Variants in CHN2 observed in about 807,000 individuals in gnomAD.
CHN2 encodes the protein beta-chimaerin.
A neutral mutation model predicts 56.3 loss-of-function variants in CHN2; 35 were observed. That is an observed-to-expected ratio of 0.62 (90% CI 0.47 to 0.82). The LOEUF is 0.82. CHN2 is among the 40% of genes least tolerant of loss of function. CHN2 has a pLI of 0.00. For missense variants in CHN2, 491 were observed against 580.5 expected (o/e 0.85, Z 1.58); for synonymous variants, 210 against 212.8 (o/e 0.99, Z 0.12).
chr7:29,509,785 C>G (rs1791068068), intron 12 of CHN2: 1 of 157,022 alleles, frequency 6.4e-6, no homozygotes, highest in African/African-American at 2.5e-5. Flanking sequence ...GCAGAGCTGG[C>G]AGTGAGCCGA....
Position 29,166,714 on chromosome 7 carries a change from C to T in CHN2, c.274+19754C>T, listed in dbSNP as rs997808932. On this transcript the variant is annotated intron_variant, in intron 2 of 6. Transcript: ENST00000439384. ...ACAACTGTATTGGTATCCTCTCTCT[C>T]ATTTCTATAATTAATAATTTGTATC... is the stretch of plus-strand genomic sequence containing the variant. Among the ~76,000 whole-genome samples the T allele has an allele frequency of 5.9e-5, 9 of 152,146 alleles. No individual in the cohort carries two copies. The South Asian group carries it at 1.9e-3, about 32-fold the overall frequency.
chr7:29,401,702 A>G (rs1802217137), intron 6 of CHN2, among the ~76,000 whole-genome samples: 1 of 152,168 alleles, frequency 6.6e-6, no homozygotes, highest in African/African-American at 2.4e-5. Flanking sequence ...CAAAGTTATT[A>G]TGCCTCACCA....
intron 1 of CHN2, among the ~76,000 whole-genome samples, chr7:29,235,375 C>A (rs1208875671): frequency 1.3e-5 from 2 of 151,970 alleles, no homozygotes; most frequent in Non-Finnish European, 1.5e-5. Flanking sequence ...ATTAAAAAGT[C>A]AAAAAAACGA....
At chr7:29,455,041 A>G (rs1175903534) in intron 6 of CHN2, among the ~76,000 whole-genome samples, 1 of 152,168 alleles carries the variant, frequency 6.6e-6, no homozygotes, top group African/African-American at 2.4e-5. Context: ...CTGACATTCA[A>G]CAGCCAGGAA....
chr7:29,213,047 C>T, intron 1 of CHN2: 1 of 1,607,646 alleles, frequency 6.2e-7, no homozygotes, highest in Non-Finnish European at 8.5e-7. Flanking sequence ...TCTCTGCAGT[C>T]CTGCATGCAG....
intron 1 of CHN2, among the ~76,000 whole-genome samples, chr7:29,320,896 G>T (rs1019894074): frequency 6.6e-6 from 1 of 152,090 alleles, no homozygotes; most frequent in African/African-American, 2.4e-5. Flanking sequence ...AGACCACATG[G>T]GTCCCATCTC....
chr7:29,465,841 TAAAC>T (rs1785507968), intron 6 of CHN2, among the ~76,000 whole-genome samples: 1 of 152,146 alleles, frequency 6.6e-6, no homozygotes, highest in African/African-American at 2.4e-5. Flanking sequence ...AAGACTGAAG[TAAAC>T]AAAAATTAAA....
At chr7:29,437,723 GA>G (rs55702454) in intron 6 of CHN2, among the ~76,000 whole-genome samples, 8 of 148,248 alleles carry the variant, frequency 5.4e-5, no homozygotes, top group African/African-American at 7.4e-5. Context: ...TTTGCTTAGG[GA>G]AAAAAAAAAT....
At chr7:29,375,190 CTTTTTTTTTTTTTTTTT>C (rs70980534) in intron 3 of CHN2, among the ~76,000 whole-genome samples, 34 of 77,910 alleles carry the variant, frequency 4.4e-4, no homozygotes, top group African/African-American at 2.0e-3. Context: ...GTGCTCGGCC[CTTTTTTTTTTTTTTTTT>C]TTTTTTTTTT....
chr7:29,407,299 G>A (rs1471754900), intron 6 of CHN2, among the ~76,000 whole-genome samples: 3 of 151,828 alleles, frequency 2.0e-5, no homozygotes, highest in African/African-American at 7.3e-5. Context: ...CTTTTTTTTG[G>A]ATGGGATCCA....
intron 1 of CHN2, among the ~76,000 whole-genome samples, chr7:29,323,131 G>C (rs1208743617): frequency 6.6e-6 from 1 of 152,044 alleles, no homozygotes; most frequent in Non-Finnish European, 1.5e-5. Flanking sequence ...CTCCAGCCTG[G>C]CCAGAGAGTG....
At chr7:29,296,610 AAC>A (rs1221789733) in intron 1 of CHN2, among the ~76,000 whole-genome samples, 1 of 152,202 alleles carries the variant, frequency 6.6e-6, no homozygotes, top group African/African-American at 2.4e-5. Flanking sequence ...TTGCCTAACA[AAC>A]AGACTCAGTT....
intron 6 of CHN2, among the ~76,000 whole-genome samples, chr7:29,401,825 G>T (rs535171449): frequency 6.6e-6 from 1 of 152,166 alleles, no homozygotes; most frequent in Non-Finnish European, 1.5e-5. Context: ...TGTTTGAAAG[G>T]CACCACCAGA....
intron 2 of CHN2, chr7:29,147,103 A>G: frequency 8.8e-7 from 1 of 1,134,228 alleles, no homozygotes; most frequent in East Asian, 2.6e-5. Flanking sequence ...TAAGTAACCC[A>G]TCCAGGGTCA....
At chr7:29,490,178 C>T (rs1788504035) in intron 7 of CHN2, among the ~76,000 whole-genome samples, 1 of 150,622 alleles carries the variant, frequency 6.6e-6, no homozygotes, top group African/African-American at 2.4e-5. Context: ...AGCCCACCTT[C>T]ATTGGCCTTT....
At chr7:29,498,553 C>G (rs1209332684) in intron 8 of CHN2, among the ~76,000 whole-genome samples, 8 of 151,994 alleles carry the variant, frequency 5.3e-5, no homozygotes, top group Admixed American at 1.3e-4. Context: ...AAGTTTAGAT[C>G]CTCTCAAGTT....
chr7:29,421,350 G>C (rs531529467), intron 6 of CHN2, among the ~76,000 whole-genome samples: 1 of 152,244 alleles, frequency 6.6e-6, no homozygotes, highest in Non-Finnish European at 1.5e-5. Flanking sequence ...CTGCCTTTGG[G>C]CTACTTTAGT....
chr7:29,151,742 G>A (rs1207484468), intron 2 of CHN2, among the ~76,000 whole-genome samples: 1 of 152,198 alleles, frequency 6.6e-6, no homozygotes, highest in African/African-American at 2.4e-5. Context: ...CTCATTAGCT[G>A]TGTGACCTTT....
chr7:29,269,669 G>A (rs1174972262), intron 1 of CHN2, among the ~76,000 whole-genome samples: 1 of 152,136 alleles, frequency 6.6e-6, no homozygotes, highest in Non-Finnish European at 1.5e-5. Context: ...ATTCCCACCA[G>A]CAATGTAAGA....
Sources: gnomAD v4.1 joint callset for allele counts (sites outside exome capture counted in the v4.1 genomes callset) on GRCh38, gnomAD v4.1.1 for gene constraint, MANE v1.5 for transcripts, NCBI Gene and HGNC (gene_info 2026-07-23, HGNC 2026-07-21) for gene names.